The following FRMD1 variants were observed in gnomAD, a reference collection of about 807,000 sequenced individuals.
The protein encoded by FRMD1 is FERM domain containing 1, also known as FERM domain-containing protein 1.
Under a neutral mutation model 54.9 loss-of-function variants are expected in FRMD1, and 51 were observed. That is an observed-to-expected ratio of 0.93 (90% CI 0.74 to 1.17). The LOEUF (loss-of-function observed/expected upper bound fraction) is 1.17, where lower values mean the gene tolerates loss of function less well. Among genes scored for constraint, FRMD1 ranks in the 50% most tolerant of loss-of-function variants. FRMD1 has a pLI of 0.00. For missense variants in FRMD1, 729 were observed against 743.0 expected, an observed-to-expected ratio of 0.98 and a Z score of 0.22; for synonymous variants, 324 against 306.4, an observed-to-expected ratio of 1.06 and a Z score of -0.60.
Position 168,061,827 on chromosome 6 carries a change from C to T in FRMD1, c.1025G>A (p.Arg342Gln), listed in dbSNP as rs768358406. Reference sequence around the variant, plus strand: ...CCCACCTTCTGCCTCCTCCCGCTGCCGCAGCTGTTGCAGAGTGGGCCGCAC... The same window carrying T: ...CCCACCTTCTGCCTCCTCCCGCTGCTGCAGCTGTTGCAGAGTGGGCCGCAC... ...LRVRPTLQQL[R>Q]QREEAEEKQH... Residue 342 changes from arginine (R) to glutamine (Q), a missense_variant, in exon 8 of 11, where the codon CGG becomes CAG. Physicochemically the swap from Arg to Gln is conservative, Grantham distance 43 (BLOSUM62 1). Transcript: ENST00000283309. 35 of 1,562,718 alleles carry T rather than the reference C, an allele frequency of 2.2e-5. No homozygotes were observed. The highest frequency in any genetic ancestry group is 4.8e-5 in the East Asian group (2 of 41,918).
chr6:168,065,733 CT>C, intron 4 of FRMD1: 1 of 988,602 alleles, frequency 1.0e-6, no homozygotes. Flanking sequence ...AACCACACAC[CT>C]TTCACTCTCC....
chr6:168,057,393 C>A, intron 10 of FRMD1, 54 bp from the exon 11 acceptor site: 1 of 1,583,978 alleles, frequency 6.3e-7, no homozygotes, highest in South Asian at 1.1e-5. Flanking sequence ...CTCCCACCAC[C>A]GCACACGGCA....
intron 10 of FRMD1, chr6:168,057,637 G>A: frequency 2.4e-6 from 1 of 416,614 alleles, no homozygotes; most frequent in Non-Finnish European, 4.4e-6. Context: ...GTGTAATTTA[G>A]GATCAGGTCT....
At chr6:168,080,446 CA>C (rs1293213221), upstream of FRMD1, among the ~76,000 whole-genome samples, 1 of 36,584 alleles carries the variant, frequency 2.7e-5, no homozygotes, top group Non-Finnish European at 7.1e-5. Context: ...TTAAAAATGG[CA>C]AAAAAACCAC....
chr6:168,065,260 G>A (rs1799971283), intron 4 of FRMD1: 8 of 1,332,050 alleles, frequency 6.0e-6, no homozygotes, highest in Non-Finnish European at 7.7e-6. Flanking sequence ...CGGGGCACAG[G>A]TGACTTGCTG....
In FRMD1 at chr6:168,092,858, C is replaced by A. The variant is rs540426158; in HGVS notation, c.-12+8567G>T. The A allele has an allele frequency of 5.7e-4, 87 of 152,406 alleles. 1 individual carries two copies. In the South Asian group the frequency reaches 7.3e-3, roughly 13 times the overall value. 9.4% of individuals were successfully genotyped at this position (152,406 alleles called of 1,614,324 possible). A position where few individuals can be genotyped will look rare whatever the true frequency, so the allele number is the denominator to read the frequency against. ...GCCAAAGACGAGAGGACAGAGGCAG[C>A]CTTGACCCTGGACAGGCACACAACG... is the stretch of plus-strand genomic sequence containing the variant. On this transcript the variant is annotated intron_variant, in intron 1 of 12. Transcript: ENST00000644440.
intron 4 of FRMD1, chr6:168,066,264 C>T: frequency 5.3e-6 from 5 of 952,086 alleles, no homozygotes; most frequent in Non-Finnish European, 6.3e-6. Context: ...TTTGGGAGGT[C>T]GAGGCGGGTG....
At chr6:168,089,946 C>T (rs1200977177) in intron 1 of FRMD1, among the ~76,000 whole-genome samples, 1 of 152,158 alleles carries the variant, frequency 6.6e-6, no homozygotes, top group Admixed American at 6.5e-5. Flanking sequence ...CCCTCCTCGC[C>T]GGCAGGAAAA....
chr6:168,079,209 A>G lies in FRMD1; in HGVS notation c.-115T>C. On this transcript the variant is annotated 5_prime_UTR_variant, in exon 1 of 11. Transcript: ENST00000283309. ...TTGCCGAGCTTCTCACTGGGAAGGGAATTGAGAGGGAAGCCTGGGCTGGGA... is the reference window on the plus strand; with the variant it reads ...TTGCCGAGCTTCTCACTGGGAAGGGGATTGAGAGGGAAGCCTGGGCTGGGA... 7.0e-7 allele frequency: 1 copy of G among 1,424,802 alleles called. No homozygotes were observed. The highest frequency in any genetic ancestry group is 9.2e-7 in the Non-Finnish European group (1 of 1,090,326). 88.3% of individuals were successfully genotyped at this position (1,424,802 alleles called of 1,614,324 possible). A position where few individuals can be genotyped will look rare whatever the true frequency, so the allele number is the denominator to read the frequency against.
At chr6:168,072,395 G>A (rs973719848) in intron 2 of FRMD1, among the ~76,000 whole-genome samples, 1 of 152,308 alleles carries the variant, frequency 6.6e-6, no homozygotes, top group East Asian at 1.9e-4. Context: ...ACCCGTGGTC[G>A]CCTTGCGAAC....
At chr6:168,091,443 G>A (rs1801014262) in intron 1 of FRMD1, among the ~76,000 whole-genome samples, 1 of 152,162 alleles carries the variant, frequency 6.6e-6, no homozygotes, top group Non-Finnish European at 1.5e-5. Flanking sequence ...TCAAGTCCTC[G>A]CCCCTCCTCT....
At position 168,058,553 on chromosome 6, in the gene FRMD1, G is replaced by A. The variant is rs180992071; in HGVS notation, c.1407+571C>T. On this transcript the variant is annotated intron_variant, in intron 10 of 10. Coordinates refer to ENST00000283309, the MANE Select transcript of FRMD1 (RefSeq NM_024919.6). The stretch of plus-strand genomic sequence containing the variant: ...GGCCTCACCCTCCTGTGGTGGAGCC[G>A]GGGGCGGGGGTTGGGGGGTGGGGAG... Among the ~76,000 whole-genome samples the A allele has an allele frequency of 1.3e-3, 199 of 152,192 alleles. 1 individual carries two copies. Among genetic ancestry groups the A allele is most frequent in the African/African-American group, 4.5e-3 (188 of 41,540 alleles).
intron 1 of FRMD1, among the ~76,000 whole-genome samples, chr6:168,088,869 T>G (rs1800967393): frequency 6.6e-6 from 1 of 151,642 alleles, no homozygotes; most frequent in Non-Finnish European, 1.5e-5. Context: ...GGCCTGCCTG[T>G]CAACCTCCCC....
chr6:168,077,342 TGTCC>T, intron 1 of FRMD1, among the ~76,000 whole-genome samples: 1 of 151,356 alleles, frequency 6.6e-6, no homozygotes, highest in African/African-American at 2.4e-5. Context: ...GAGGGGTTCC[TGTCC>T]AACTGCAGAC....
At chr6:168,080,111 C>T (rs73030330), upstream of FRMD1, among the ~76,000 whole-genome samples, 9,236 of 152,196 alleles carry the variant, frequency 0.061, 414 homozygotes, top group Non-Finnish European at 0.095. Flanking sequence ...CCGGACGGGC[C>T]GTTGTTCATC....
At chr6:168,079,972 G>A (rs367690938), upstream of FRMD1, among the ~76,000 whole-genome samples, 95 of 152,272 alleles carry the variant, frequency 6.2e-4, no homozygotes, top group African/African-American at 2.2e-3. Flanking sequence ...TTTGGGCGCT[G>A]CAGGTCAGGA....
chr6:168,074,340 C>A lies in FRMD1; in HGVS notation c.304+905G>T, dbSNP rs145999816. 1.1e-3 allele frequency among the ~76,000 whole-genome samples: 174 copies of A among 152,298 alleles called. 1 individual carries two copies. In the East Asian group the frequency reaches 0.013, roughly 12 times the overall value. On this transcript the variant is annotated intron_variant, in intron 2 of 10. Transcript: ENST00000283309. ...GAAGCCCCTGGAGCCAACTGCCCCC[C>A]AGAACAGCACAATCGGCATTGTGCA...
intron 2 of FRMD1, among the ~76,000 whole-genome samples, chr6:168,070,908 G>A (rs976594846): frequency 2.0e-5 from 3 of 152,172 alleles, no homozygotes; most frequent in African/African-American, 7.2e-5. Context: ...AGCAGGGTGG[G>A]GACTACATGC....
Position 168,063,609 on chromosome 6 carries a change from G to A in FRMD1, c.796C>T (p.Leu266=). ...LEDVPVHFFR[L]HKDKKEGRPT... is the part of the protein sequence containing the mutation. ...GCCGCCCTGGGCTCGACCTTGTGCAGCCTGAAGAAGTGCACGGGCACGTCC... is the reference window on the plus strand; with the variant it reads ...GCCGCCCTGGGCTCGACCTTGTGCAACCTGAAGAAGTGCACGGGCACGTCC... The change falls in exon 6 of 11, where the codon CTG becomes TTG. Residue 266 remains leucine (L), a synonymous_variant. Transcript: ENST00000283309. 1.2e-6 allele frequency: 2 copies of A among 1,611,438 alleles called. No homozygotes were observed. The highest frequency in any genetic ancestry group is 1.7e-6 in the Non-Finnish European group (2 of 1,178,904).
Sources: gnomAD v4.1 joint callset for allele counts (sites outside exome capture counted in the v4.1 genomes callset) on GRCh38, gnomAD v4.1.1 for gene constraint, MANE v1.5 for transcripts, NCBI Gene and HGNC (gene_info 2026-07-23, HGNC 2026-07-21) for gene names.